Variants in SLC9A6 observed in about 807,000 individuals in gnomAD.
The protein encoded by SLC9A6 is sodium/hydrogen exchanger 6.
SLC9A6 carries 6 observed loss-of-function variants against 45.3 expected under a neutral mutation model. The observed-to-expected ratio is 0.13, with a 90% confidence interval of 0.07 to 0.26. The LOEUF is 0.26. Ranked by LOEUF, SLC9A6 falls within the 10% of genes least tolerant of loss-of-function variation. The pLI is 1.00. For missense variants in SLC9A6, 278 were observed against 503.7 expected (o/e 0.55, Z 4.29); for synonymous variants, 191 against 187.7 (o/e 1.02, Z -0.14).
At chrX:135,981,385 C>T (rs1410127844), upstream of SLC9A6, among the ~76,000 whole-genome samples, 5 of 111,473 alleles carry the variant, frequency 4.5e-5, no homozygotes, top group African/African-American at 1.6e-4. Context: ...ATGATCCAAT[C>T]ACCTCCCACC....
chrX:135,997,510 C>T (rs1320021308), intron 3 of SLC9A6, among the ~76,000 whole-genome samples: 2 of 101,759 alleles, frequency 2.0e-5, no homozygotes, highest in Non-Finnish European at 3.9e-5. Context: ...CGAGTTCAAG[C>T]GACTCTCCTG....
intron 1 of SLC9A6, chrX:135,975,340 CAG>C (rs1351565822): frequency 8.9e-6 from 1 of 112,361 alleles, no homozygotes; most frequent in African/African-American, 3.2e-5. Context: ...TTAACCCAAT[CAG>C]AATTCTACGT....
In SLC9A6 at chrX:135,978,516, G is replaced by C. The variant is rs7473685; in HGVS notation, c.-57+3733G>C. On this transcript the variant is annotated intron_variant, in intron 1 of 16. Transcript: ENST00000636092. The stretch of plus-strand genomic sequence containing the variant: ...AAAACACAAAAATTAGCTAGGTGTG[G>C]TGGCGCATGCCAGTAATCCCAGCTA... 3.7e-3 allele frequency among the ~76,000 whole-genome samples: 413 copies of C among 111,043 alleles called. 2 individuals carry two copies. The highest frequency in any genetic ancestry group is 0.013 in the African/African-American group (388 of 30,516).
In SLC9A6 at chrX:136,047,131, C is replaced by T. The variant is rs2071612818; in HGVS notation, c.*2407C>T. 8.9e-6 allele frequency: 1 copy of T among 112,537 alleles called. No individual in the cohort carries two copies. The highest frequency in any genetic ancestry group is 3.2e-5 in the African/African-American group (1 of 30,855). The allele number at this position is 112,537 out of a possible 1,213,427, so 9.3% of individuals were successfully genotyped here. On this transcript the variant is annotated 3_prime_UTR_variant, in exon 18 of 18. Coordinates refer to ENST00000630721, the MANE Select transcript of SLC9A6 (RefSeq NM_001379110.1). ...AAAGTTATAGCCTTGCAAATAACCA[C>T]TCACAGTATTTGAGTCACAGTTTAT...
At chrX:136,012,043 T>C (rs1370758136) in intron 8 of SLC9A6, among the ~76,000 whole-genome samples, 1 of 112,625 alleles carries the variant, frequency 8.9e-6, no homozygotes, top group Non-Finnish European at 1.9e-5. Context: ...TGAGCCGAGA[T>C]GGTGCCACTG....
upstream of SLC9A6, chrX:135,985,365 C>A: frequency 2.8e-6 from 1 of 358,634 alleles, no homozygotes; most frequent in Non-Finnish European, 4.5e-6. Flanking sequence ...TGGGATGCCG[C>A]GGCCCCTTTA....
chrX:136,010,225 C>CA, intron 7 of SLC9A6: 3 of 117,630 alleles, frequency 2.6e-5, no homozygotes, highest in Non-Finnish European at 5.1e-5. Flanking sequence ...CAATGTTCTA[C>CA]CCCCCCCCCG....
chrX:135,984,596 T>C (rs2089305267), upstream of SLC9A6, among the ~76,000 whole-genome samples: 1 of 111,307 alleles, frequency 9.0e-6, no homozygotes, highest in Admixed American at 9.5e-5. Flanking sequence ...GTGAGAGAGG[T>C]TGGACAGGCT....
chrX:135,993,706 G>A (rs2089463295), intron 2 of SLC9A6, among the ~76,000 whole-genome samples: 1 of 110,573 alleles, frequency 9.0e-6, no homozygotes, highest in African/African-American at 3.3e-5. Flanking sequence ...CAGGATAATT[G>A]ATTGGACCCG....
At chrX:136,030,227 A>G in intron 15 of SLC9A6, 65 bp downstream of exon 15, 1 of 1,027,330 alleles carries the variant, frequency 9.7e-7, no homozygotes, top group South Asian at 1.9e-5. Flanking sequence ...GAAAGAAAAC[A>G]ATCTACTATA....
intron 11 of SLC9A6, among the ~76,000 whole-genome samples, chrX:136,018,835 C>T (rs1459685622): frequency 1.0e-4 from 11 of 109,181 alleles, no homozygotes; most frequent in African/African-American, 3.7e-4. Context: ...TGTTAGAAAG[C>T]GAAGTATTAC....
At chrX:136,028,428 G>A (rs1307265274) in intron 13 of SLC9A6, among the ~76,000 whole-genome samples, 2 of 112,034 alleles carry the variant, frequency 1.8e-5, no homozygotes, top group Non-Finnish European at 3.8e-5. Flanking sequence ...GTTCCTTGAG[G>A]GCAGGGGCCA....
intron 2 of SLC9A6, among the ~76,000 whole-genome samples, chrX:135,994,354 A>G (rs150986883): frequency 0.073 from 8,061 of 110,153 alleles, 318 homozygotes; most frequent in African/African-American, 0.16. Flanking sequence ...CAATCCACCC[A>G]TCTCGGCCTC....
Position 136,010,228 on chromosome X carries a change from C to A in SLC9A6, c.744-214C>A, listed in dbSNP as rs190464119. On this transcript the variant is annotated intron_variant, in intron 7 of 17. Transcript: ENST00000630721. ...TAGAGGATTTTACAATGTTCTACCC[C>A]CCCCCCGAAATTAACATTTAAGGGA... 6.4e-5 allele frequency: 20 copies of A among 313,614 alleles called. 1 individual carries two copies. Among genetic ancestry groups the A allele is most frequent in the East Asian group, 3.0e-4 (5 of 16,819 alleles). 25.8% of individuals were successfully genotyped at this position (313,614 alleles called of 1,213,427 possible).
At position 136,044,560 on chromosome X, in the gene SLC9A6, G is replaced by A. The variant is rs1556623211; in HGVS notation, c.1876G>A (p.Ala626Thr). ...GAACACTGAACCGGCCACATCCAGC[G>A]CCCCAAGGAGATTTATGGGAAACAG... ...TVNTEPATSS[A>T]PRRFMGNSSE... The change falls in exon 18 of 18, where the codon GCC becomes ACC. Residue 626 changes from alanine (A) to threonine (T), a missense_variant. Ala to Thr is a moderately conservative substitution (Grantham distance 58). Coordinates refer to ENST00000630721, the MANE Select transcript of SLC9A6 (RefSeq NM_001379110.1). The A allele has an allele frequency of 2.5e-6, 3 of 1,211,140 alleles. No homozygotes were observed. Among genetic ancestry groups the A allele is most frequent in the Admixed American group, 4.3e-5 (2 of 46,004 alleles).
intron 2 of SLC9A6, 39 bp downstream of exon 2, chrX:135,985,866 C>G (rs1265773249): frequency 5.0e-6 from 6 of 1,200,104 alleles, no homozygotes; most frequent in Admixed American, 2.2e-5. Flanking sequence ...TGGCGCTGCC[C>G]CTTTCTCTGC....
upstream of SLC9A6, among the ~76,000 whole-genome samples, chrX:135,981,536 C>G (rs1463489809): frequency 2.7e-5 from 3 of 111,241 alleles, no homozygotes; most frequent in Admixed American, 9.6e-5. Context: ...TTTCGTCAGA[C>G]AAGTAGAAGT....
intron 11 of SLC9A6, among the ~76,000 whole-genome samples, chrX:136,018,204 T>C (rs1445021799): frequency 8.9e-6 from 1 of 111,942 alleles, no homozygotes; most frequent in Non-Finnish European, 1.9e-5. Context: ...GGGGGATGGC[T>C]TACACAGATC....
intron 7 of SLC9A6, among the ~76,000 whole-genome samples, chrX:136,005,553 C>T (rs781984355): frequency 3.6e-5 from 4 of 111,492 alleles, no homozygotes; most frequent in Non-Finnish European, 5.7e-5. Context: ...TGGTGGCACA[C>T]GCCTGTAATC....
Sources: allele counts gnomAD v4.1 joint callset (sites outside exome capture counted in the v4.1 genomes callset), GRCh38; gene constraint gnomAD v4.1.1; transcripts MANE v1.5; gene names NCBI Gene and HGNC (gene_info 2026-07-23, HGNC 2026-07-21).